ZBTB7C: variants seen among roughly 807,000 people sequenced by gnomAD.
The protein encoded by ZBTB7C is zinc finger and BTB domain containing 7C.
A neutral mutation model predicts 25.7 loss-of-function variants in ZBTB7C; 8 were observed. The observed-to-expected ratio is 0.31, with a 90% CI of 0.18 to 0.56. The LOEUF (loss-of-function observed/expected upper bound fraction) is 0.56. Ranked by LOEUF, ZBTB7C falls within the 20% of genes least tolerant of loss-of-function variation. The pLI, the probability that ZBTB7C is intolerant of heterozygous loss-of-function variation, is 0.91. For synonymous variants in ZBTB7C, 394 were observed against 369.0 expected, an observed-to-expected ratio of 1.07 and a Z score of -0.78; for missense variants, 824 against 855.2, an observed-to-expected ratio of 0.96 and a Z score of 0.46.
intron 3 of ZBTB7C, among the ~76,000 whole-genome samples, chr18:48,076,433 G>T (rs1177986877): frequency 6.6e-6 from 1 of 152,168 alleles, no homozygotes; most frequent in Non-Finnish European, 1.5e-5. Context: ...GAGGGAGGTG[G>T]GGGGTTTCCA....
chr18:48,069,208 G>C (rs1335388283), intron 3 of ZBTB7C, among the ~76,000 whole-genome samples: 2 of 152,226 alleles, frequency 1.3e-5, no homozygotes, highest in Non-Finnish European at 2.9e-5. Context: ...GCCCACCCCT[G>C]TCCAGGTGTT....
In ZBTB7C at chr18:48,029,637, G is replaced by A; in HGVS notation, c.1483C>T (p.Pro495Ser). The A allele has an allele frequency of 6.6e-7, 1 of 1,526,136 alleles. No homozygotes were observed. Among genetic ancestry groups the A allele is most frequent in the Non-Finnish European group, 8.7e-7 (1 of 1,145,032 alleles). The allele number at this position is 1,526,136 out of a possible 1,614,324, so 94.5% of individuals were successfully genotyped here. A position where few individuals can be genotyped will look rare whatever the true frequency, so the allele number is the denominator to read the frequency against. ...GCCTTGTCGGGGGCCGGGCCGCCGG[G>A]CCCGAAGAGCAGGCTGGCGGCCCTC... Reference protein sequence around the residue: ...AWRAASLLFGPGGPAPDKAAF... With the variant: ...AWRAASLLFGSGGPAPDKAAF... The change falls in exon 5 of 5, where the codon CCC becomes TCC. Residue 495 changes from proline to serine, a missense_variant. By Grantham distance (74) the Pro-to-Ser change is moderately conservative (BLOSUM62 -1). Transcript: ENST00000590800.
At chr18:48,055,315 C>T (rs897046967) in intron 3 of ZBTB7C, among the ~76,000 whole-genome samples, 1 of 147,630 alleles carries the variant, frequency 6.8e-6, no homozygotes, top group South Asian at 2.1e-4. Context: ...AAGGCTGAGG[C>T]AGGAGAATCG....
At position 48,040,986 on chromosome 18, in the gene ZBTB7C, T is replaced by C; in HGVS notation, c.122A>G (p.Gln41Arg). ...GLLCDVLLVV[Q>R]EQEYRTHRSV... ...GCGGTGGGTCCGATACTCCTGCTCC[T>C]GCACCACCAGGAGCACGTCACACAG... The change falls in exon 4 of 5, where the codon CAG becomes CGG. Residue 41 changes from glutamine (Q) to arginine (R), a missense_variant. By Grantham distance (43) the Gln-to-Arg change is conservative. Around this residue, in one of 4 missense-constraint regions of ZBTB7C, gnomAD observed 117 missense variants for 167.7 expected, o/e 0.70. Transcript: ENST00000590800. 3 of 1,614,148 alleles carry C rather than the reference T, an allele frequency of 1.9e-6. No homozygotes were observed. In the South Asian group the frequency reaches 3.3e-5, roughly 18 times the overall value.
chr18:48,180,203 C>CTCCT (rs555040804), intron 3 of ZBTB7C: 38 of 222,934 alleles, frequency 1.7e-4, no homozygotes, highest in Non-Finnish European at 2.3e-4. Context: ...GAAGATATTT[C>CTCCT]TCCTTCCTTC....
At chr18:48,136,966 G>T in intron 3 of ZBTB7C, 4 of 655,194 alleles carry the variant, frequency 6.1e-6, no homozygotes, top group Non-Finnish European at 7.5e-6. Context: ...CCAGAGCCCC[G>T]ATCCTAGCCC....
intron 2 of ZBTB7C, among the ~76,000 whole-genome samples, chr18:48,281,340 C>T (rs1054740915): frequency 6.6e-6 from 1 of 152,006 alleles, no homozygotes; most frequent in Non-Finnish European, 1.5e-5. Context: ...AACATTAGAC[C>T]TAAAACCATA....
intron 2 of ZBTB7C, among the ~76,000 whole-genome samples, chr18:48,224,679 G>C (rs1490459207): frequency 6.6e-6 from 1 of 152,152 alleles, no homozygotes; most frequent in Non-Finnish European, 1.5e-5. Context: ...CCACTTACTA[G>C]CCATGGGCAA....
chr18:48,288,184 A>C (rs144755929), intron 2 of ZBTB7C, among the ~76,000 whole-genome samples: 6 of 152,382 alleles, frequency 3.9e-5, no homozygotes, highest in African/African-American at 1.4e-4. Context: ...ATTTATAAGA[A>C]TACAAAGATT....
intron 3 of ZBTB7C, among the ~76,000 whole-genome samples, chr18:48,089,475 T>A (rs2038325616): frequency 2.2e-5 from 2 of 92,956 alleles, no homozygotes; most frequent in South Asian, 4.8e-4. Context: ...CAAGACTCCA[T>A]CTCGAAAAAA....
intron 2 of ZBTB7C, among the ~76,000 whole-genome samples, chr18:48,308,028 A>G (rs2045717535): frequency 6.6e-6 from 1 of 152,194 alleles, no homozygotes; most frequent in African/African-American, 2.4e-5. Flanking sequence ...TCATAAGACC[A>G]TGCCAATCTA....
At position 48,029,549 on chromosome 18, in the gene ZBTB7C, C is replaced by T; in HGVS notation, c.1571G>A (p.Cys524Tyr). ...VGGHLGGAAV[C>Y]LPGPSPAKHF... ...CTTGGCGGGGCTGGGGCCCGGGAGG[C>T]ACACAGCTGCGCCGCCCAGGTGGCC... Residue 524 changes from cysteine to tyrosine, a missense_variant, in exon 5 of 5, where the codon TGC becomes TAC. By Grantham distance (194) the Cys-to-Tyr change is radical. This residue lies in a region of ZBTB7C where 342 missense variants were observed against 307.0 expected (regional missense o/e 1.11). Transcript: ENST00000590800. 2 of 1,554,062 alleles carry T rather than the reference C, an allele frequency of 1.3e-6. No individual in the cohort carries two copies. The highest frequency in any genetic ancestry group is 1.4e-5 in the African/African-American group (1 of 71,070).
chr18:48,325,072 G>T (rs1244499176), intron 2 of ZBTB7C, among the ~76,000 whole-genome samples: 2 of 152,170 alleles, frequency 1.3e-5, no homozygotes, highest in African/African-American at 4.8e-5. Context: ...TTTGAAAGGT[G>T]CTGTGCATGG....
intron 4 of ZBTB7C, among the ~76,000 whole-genome samples, chr18:48,036,470 AT>A (rs2035975567): frequency 6.6e-6 from 1 of 152,090 alleles, no homozygotes; most frequent in South Asian, 2.1e-4. Flanking sequence ...CCAGCACCCC[AT>A]GGGGTGGGGC....
At chr18:48,284,223 G>C (rs2044962459) in intron 2 of ZBTB7C, among the ~76,000 whole-genome samples, 1 of 152,222 alleles carries the variant, frequency 6.6e-6, no homozygotes, top group African/African-American at 2.4e-5. Flanking sequence ...GGGAGGCCAA[G>C]GCAGGAGGAC....
intron 2 of ZBTB7C, among the ~76,000 whole-genome samples, chr18:48,316,901 G>A (rs1419592532): frequency 6.6e-6 from 1 of 152,188 alleles, no homozygotes; most frequent in African/African-American, 2.4e-5. Context: ...CTGTAAAATG[G>A]GGATATGTGT....
intron 1 of ZBTB7C, among the ~76,000 whole-genome samples, chr18:48,398,261 A>G (rs1294762671): frequency 6.6e-6 from 1 of 152,226 alleles, no homozygotes; most frequent in East Asian, 1.9e-4. Context: ...CCCTCTGTCC[A>G]CAGGGCTGCT....
chr18:48,319,728 A>G (rs928011443), intron 2 of ZBTB7C, among the ~76,000 whole-genome samples: 1 of 152,212 alleles, frequency 6.6e-6, no homozygotes, highest in African/African-American at 2.4e-5. Flanking sequence ...CATTTGTCCA[A>G]TCTTAGCTTT....
chr18:48,285,550 C>G (rs1248071007), intron 2 of ZBTB7C, among the ~76,000 whole-genome samples: 1 of 152,142 alleles, frequency 6.6e-6, no homozygotes, highest in Non-Finnish European at 1.5e-5. Context: ...TGAGGTCTCC[C>G]TATGTTGATC....
Sources: allele counts gnomAD v4.1 joint callset (sites outside exome capture counted in the v4.1 genomes callset), GRCh38; gene constraint gnomAD v4.1.1; regional missense constraint gnomAD v4.1.1; transcripts MANE v1.5; gene names NCBI Gene and HGNC (gene_info 2026-07-23, HGNC 2026-07-21).